PARP8: variants seen among roughly 807,000 people sequenced by gnomAD.
PARP8 encodes the protein protein mono-ADP-ribosyltransferase PARP8.
A neutral mutation model predicts 124.1 loss-of-function variants in PARP8; 51 were observed. The observed-to-expected ratio is 0.41, with a 90% CI of 0.33 to 0.52. PARP8 has a LOEUF of 0.52. Ranked by LOEUF, PARP8 falls within the 20% of genes least tolerant of loss-of-function variation. PARP8 has a pLI of 0.21. For missense variants in PARP8, 860 were observed against 1,018.9 expected (o/e 0.84, Z 2.12); for synonymous variants, 391 against 361.5 (o/e 1.08, Z -0.93).
At chr5:50,778,528 G>T in intron 8 of PARP8, 32 bp from the exon 9 acceptor site, 12 of 1,469,236 alleles carry the variant, frequency 8.2e-6, no homozygotes, top group African/African-American at 1.4e-5. Flanking sequence ...TCTAAAAGAT[G>T]ATTAATTCAT....
At chr5:50,675,784 C>CA (rs1750561041) in intron 2 of PARP8, among the ~76,000 whole-genome samples, 1 of 151,176 alleles carries the variant, frequency 6.6e-6, no homozygotes. Context: ...AAGTGGAAAA[C>CA]AAACCAGGAA....
At chr5:50,831,371 T>C (rs566558437) in intron 22 of PARP8, among the ~76,000 whole-genome samples, 1 of 152,208 alleles carries the variant, frequency 6.6e-6, no homozygotes, top group East Asian at 1.9e-4. Flanking sequence ...AGCTGATGGA[T>C]GGGCTGCGCT....
chr5:50,781,951 C>G (rs1202268770), intron 9 of PARP8, among the ~76,000 whole-genome samples: 5 of 152,148 alleles, frequency 3.3e-5, no homozygotes, highest in Non-Finnish European at 7.3e-5. Context: ...GAGAACAATT[C>G]CGAATACATT....
rs375695237 is a variant in PARP8 at position 50,795,176 on chromosome 5, A to G, written c.1187A>G (p.Glu396Gly). Residue 396 changes from glutamate (E) to glycine (G), a missense_variant, in exon 12 of 26, where the codon GAG becomes GGG. By Grantham distance (98) the Glu-to-Gly change is moderately conservative. Around this residue, in one of 2 missense-constraint regions of PARP8, gnomAD observed 517 missense variants for 544.2 expected, o/e 0.95. Transcript: ENST00000281631. ...TRSCSGDPRC[E>G]HNTNLKPHKL... ...TCTTGTTCTGGAGATCCACGATGTGAGCACAACACAAACTTGAAGCCCCAT... is the reference window on the plus strand; with the variant it reads ...TCTTGTTCTGGAGATCCACGATGTGGGCACAACACAAACTTGAAGCCCCAT... 6.8e-6 allele frequency: 11 copies of G among 1,614,094 alleles called. No homozygotes were observed. The African/African-American group carries it at 1.2e-4, about 18-fold the overall frequency.
intron 2 of PARP8, among the ~76,000 whole-genome samples, chr5:50,743,831 T>C (rs1447020292): frequency 6.6e-6 from 1 of 152,126 alleles, no homozygotes; most frequent in African/African-American, 2.4e-5. Flanking sequence ...TTCGCTAGGG[T>C]AGAGGATTGT....
intron 2 of PARP8, among the ~76,000 whole-genome samples, chr5:50,712,274 A>G (rs1754837260): frequency 6.6e-6 from 1 of 152,102 alleles, no homozygotes; most frequent in South Asian, 2.1e-4. Flanking sequence ...TTGGCATTTT[A>G]TACTTTAAAA....
chr5:50,745,257 G>A (rs1443576793), intron 2 of PARP8, among the ~76,000 whole-genome samples: 1 of 152,070 alleles, frequency 6.6e-6, no homozygotes, highest in African/African-American at 2.4e-5. Flanking sequence ...TGTTGGTTTG[G>A]GTCTCAGATA....
chr5:50,788,291 A>G (rs116092522), intron 9 of PARP8, among the ~76,000 whole-genome samples: 6 of 147,274 alleles, frequency 4.1e-5, no homozygotes, highest in African/African-American at 1.3e-4. Context: ...ATACAATATA[A>G]TGTATAATGT....
At chr5:50,747,924 C>T (rs746919947) in intron 2 of PARP8, among the ~76,000 whole-genome samples, 35 of 151,568 alleles carry the variant, frequency 2.3e-4, no homozygotes, top group Non-Finnish European at 3.5e-4. Context: ...AGGCGCCTGC[C>T]ACCGCGCCCG....
At position 50,736,928 on chromosome 5, in the gene PARP8, A is replaced by T. The variant is rs139342653; in HGVS notation, c.147-13223A>T. On this transcript the variant is annotated intron_variant, in intron 2 of 25. Coordinates refer to ENST00000281631, the MANE Select transcript of PARP8 (RefSeq NM_024615.4). The stretch of plus-strand genomic sequence containing the variant: ...ACCATGATCTGTTGAGCAGCTACTG[A>T]TCAAGGTGATAAAATTAACTTTTCC... Among the ~76,000 whole-genome samples the T allele has an allele frequency of 1.9e-3, 294 of 152,300 alleles. 2 individuals are homozygous for T. Among genetic ancestry groups the T allele is most frequent in the African/African-American group, 6.7e-3 (278 of 41,574 alleles).
At chr5:50,728,692 A>C (rs1756676590) in intron 2 of PARP8, among the ~76,000 whole-genome samples, 1 of 152,070 alleles carries the variant, frequency 6.6e-6, no homozygotes, top group African/African-American at 2.4e-5. Flanking sequence ...AAGAGAAAAC[A>C]AAACTAATAT....
Position 50,691,337 on chromosome 5 carries a change from G to C in PARP8, c.146+23212G>C, listed in dbSNP as rs183230139. Among the ~76,000 whole-genome samples, 53 of 152,172 alleles carry C rather than the reference G, an allele frequency of 3.5e-4. 1 individual carries two copies. Among genetic ancestry groups the C allele is most frequent in the Admixed American group, 3.2e-3 (49 of 15,284 alleles). On this transcript the variant is annotated intron_variant, in intron 2 of 25. Coordinates refer to ENST00000281631, the MANE Select transcript of PARP8 (RefSeq NM_024615.4). ...TTACAGCAGTCTGCCAGTGCCTCCA[G>C]GACTCCACTGAAGCAGCTTTCATTT...
intron 17 of PARP8, among the ~76,000 whole-genome samples, chr5:50,823,942 CG>C (rs1746056634): frequency 6.6e-6 from 1 of 152,154 alleles, no homozygotes; most frequent in African/African-American, 2.4e-5. Context: ...CACCCTGTTT[CG>C]GTGTGTACTT....
intron 14 of PARP8, among the ~76,000 whole-genome samples, chr5:50,803,783 A>G (rs570717061): frequency 8.5e-4 from 129 of 152,262 alleles, no homozygotes; most frequent in Non-Finnish European, 1.6e-3. Flanking sequence ...TAAATTTAAC[A>G]TCTATGCTTT....
intron 3 of PARP8, among the ~76,000 whole-genome samples, chr5:50,751,950 AC>A (rs1264624185): frequency 2.0e-5 from 3 of 152,116 alleles, no homozygotes; most frequent in Non-Finnish European, 4.4e-5. Context: ...TTTATAACTT[AC>A]GTGTTTGTTC....
chr5:50,764,333 C>T (rs567242475), intron 7 of PARP8, among the ~76,000 whole-genome samples: 4 of 152,224 alleles, frequency 2.6e-5, no homozygotes, highest in Admixed American at 1.3e-4. Flanking sequence ...TATAGGCTGC[C>T]GGCTTCCTGA....
At chr5:50,726,535 A>G (rs893241788) in intron 2 of PARP8, among the ~76,000 whole-genome samples, 1 of 152,172 alleles carries the variant, frequency 6.6e-6, no homozygotes, top group Non-Finnish European at 1.5e-5. Context: ...ATTGCCAATG[A>G]TGTGTCAATT....
intron 14 of PARP8, among the ~76,000 whole-genome samples, chr5:50,806,579 G>C (rs1250928319): frequency 1.3e-5 from 2 of 151,944 alleles, no homozygotes; most frequent in African/African-American, 4.8e-5. Context: ...ATGGTTTATT[G>C]TTGCTGTGAT....
chr5:50,824,811 A>C (rs908820170), intron 17 of PARP8, 97 bp from the exon 18 acceptor site: 13 of 887,468 alleles, frequency 1.5e-5, no homozygotes, highest in Non-Finnish European at 2.4e-5. Context: ...TTTAAGTCTT[A>C]CTAGATTAGG....
Sources: allele counts gnomAD v4.1 joint callset (sites outside exome capture counted in the v4.1 genomes callset), GRCh38; gene constraint gnomAD v4.1.1; regional missense constraint gnomAD v4.1.1; transcripts MANE v1.5; gene names NCBI Gene and HGNC (gene_info 2026-07-23, HGNC 2026-07-21).